The following INTS1 variants were observed in gnomAD, a reference collection of about 807,000 sequenced individuals.
INTS1 encodes the protein integrator complex subunit 1.
In INTS1, 137 loss-of-function variants were observed where a neutral mutation model predicts 241.6. That is an observed-to-expected ratio of 0.57 (90% CI 0.49 to 0.65). The LOEUF (loss-of-function observed/expected upper bound fraction) is 0.65. INTS1 is among the 30% of genes least tolerant of loss of function. The probability of loss-of-function intolerance (pLI) is 0.00; values close to 1 mark genes in which losing one functional copy is unlikely to be tolerated. For missense variants in INTS1, 3,073 were observed against 3,032.2 expected (o/e 1.01, Z -0.32); for synonymous variants, 1,692 against 1,337.8 (o/e 1.26, Z -5.78).
Position 1,471,195 on chromosome 7 carries a change from G to A in INTS1, c.6285C>T (p.Ala2095=), listed in dbSNP as rs73267806. 2.1e-3 allele frequency: 3,276 copies of A among 1,582,464 alleles called. 28 individuals carry two copies. The African/African-American group carries it at 0.022, about 11-fold the overall frequency. ...STNLQRLMSS[A]EECCRNLAFS... ...AGGCGAGGTTGCGGCAACACTCCTC[G>A]GCCGAGCTCATCAGCCGCTGCAGGT... The change falls in exon 46 of 48, where the codon GCC becomes GCT. Residue 2095 remains alanine (A), a synonymous_variant. Transcript: ENST00000404767.
chr7:1,474,696 G>A lies in INTS1; in HGVS notation c.5636+9C>T, dbSNP rs1196129110. The stretch of plus-strand genomic sequence containing the variant: ...GTGTCTGGCGAGGGCAGGGCTTCTG[G>A]GACAGCACCTGAGCAGCAGCAGCGG... On this transcript the variant is annotated intron_variant, in intron 40 of 47. Coordinates refer to ENST00000404767, the MANE Select transcript of INTS1 (RefSeq NM_001080453.3). 7 of 1,556,778 alleles carry A rather than the reference G, an allele frequency of 4.5e-6. No individual in the cohort carries two copies. Among genetic ancestry groups the A allele is most frequent in the Non-Finnish European group, 5.2e-6 (6 of 1,152,310 alleles).
intron 3 of INTS1, chr7:1,501,109 A>C (rs1168169253): frequency 6.6e-6 from 1 of 151,880 alleles, no homozygotes; most frequent in East Asian, 1.9e-4. Flanking sequence ...ATACAGTGAA[A>C]CCCTGTCTCT....
chr7:1,483,579 G>A (rs760578036), intron 26 of INTS1, 163 bp downstream of exon 26: 33 of 674,232 alleles, frequency 4.9e-5, no homozygotes, highest in Admixed American at 2.5e-4. Flanking sequence ...CACGCGGGAC[G>A]GACTGCAGCC....
chr7:1,491,275 G>A (rs200164306), intron 16 of INTS1, among the ~76,000 whole-genome samples: 12 of 152,252 alleles, frequency 7.9e-5, no homozygotes, highest in East Asian at 1.9e-4. Flanking sequence ...TCCACAGGAC[G>A]GAAGTGAGGT....
chr7:1,498,501 T>G lies in INTS1; in HGVS notation c.1336A>C (p.Ile446Leu). The change falls in exon 10 of 48, where the codon ATC becomes CTC. Residue 446 changes from isoleucine to leucine, a missense_variant. Physicochemically the swap from Ile to Leu is conservative, Grantham distance 5. Transcript: ENST00000404767. ...DNLGTTIKLV[I>L]FNELSSARNP... ...CGGGCGCTGGAGAGCTCATTGAAGA[T>G]CACCAACTTGATGGTGGTGCCCAGG... 6.2e-7 allele frequency: 1 copy of G among 1,613,912 alleles called. No individual in the cohort carries two copies. Among genetic ancestry groups the G allele is most frequent in the East Asian group, 2.2e-5 (1 of 44,876 alleles).
chr7:1,477,574 G>T lies in INTS1; in HGVS notation c.4914C>A (p.Leu1638=), dbSNP rs771351004. Reference sequence around the variant, plus strand: ...CCTTCCTCCGGGAGAAGAGCAGCCTGAGCTGCAGGTCGGGGCAGCTGCTGA... The same window carrying T: ...CCTTCCTCCGGGAGAAGAGCAGCCTTAGCTGCAGGTCGGGGCAGCTGCTGA... The part of the protein sequence containing the change: ...EVVSSCPDLQ[L]RLLFSRRKGK... The change falls in exon 35 of 48, where the codon CTC becomes CTA. Residue 1638 remains leucine (L), a synonymous_variant. Coordinates refer to ENST00000404767, the MANE Select transcript of INTS1 (RefSeq NM_001080453.3). 5.2e-6 allele frequency: 8 copies of T among 1,544,936 alleles called. No individual in the cohort carries two copies. Among genetic ancestry groups the T allele is most frequent in the Non-Finnish European group, 7.0e-6 (8 of 1,146,920 alleles).
intron 40 of INTS1, 29 bp downstream of exon 40, chr7:1,474,676 T>C (rs1401496620): frequency 1.3e-6 from 2 of 1,545,730 alleles, no homozygotes; most frequent in Non-Finnish European, 1.7e-6. Context: ...AACCAGTGTC[T>C]GGCGAGGGCA....
chr7:1,501,360 G>C (rs931645324), intron 3 of INTS1: 1 of 152,060 alleles, frequency 6.6e-6, no homozygotes, highest in Non-Finnish European at 1.5e-5. Flanking sequence ...CAGAGGCATT[G>C]TGATCTACCT....
rs1214744608 is a variant in INTS1, at chr7:1,480,823, C to A, written c.3949+12G>T. 2 of 1,547,236 alleles carry A rather than the reference C, an allele frequency of 1.3e-6. No individual in the cohort carries two copies. Among genetic ancestry groups the A allele is most frequent in the African/African-American group, 1.4e-5 (1 of 72,998 alleles). On this transcript the variant is annotated intron_variant, in intron 29 of 47. Transcript: ENST00000404767. The stretch of plus-strand genomic sequence containing the variant: ...GCTGGGTCTCTGTGCTGGCCCCACC[C>A]CTCCCCAGTACCTCGGCGGGGCGGC...
chr7:1,471,789 C>T, intron 44 of INTS1, 148 bp from the exon 45 acceptor site: 1 of 692,148 alleles, frequency 1.4e-6, no homozygotes, highest in Non-Finnish European at 2.5e-6. Context: ...CCCAGGCAGT[C>T]ACCTGCCCCC....
intron 40 of INTS1, 55 bp from the exon 41 acceptor site, chr7:1,474,415 C>T (rs572227458): frequency 3.3e-4 from 499 of 1,502,360 alleles, no homozygotes; most frequent in South Asian, 5.8e-4. Context: ...ACCTGGCGCA[C>T]GTCCCCAGGA....
rs535318875 is a variant in INTS1, at chr7:1,499,659, C to T, written c.685-27G>A. On this transcript the variant is annotated intron_variant, in intron 5 of 47. Coordinates refer to ENST00000404767, the MANE Select transcript of INTS1 (RefSeq NM_001080453.3). ...TGTGTGGCAGCCACACCCTCAGCCCCGAGCCCAGCCGGGCAGCAGCCAGGT... is the reference window on the plus strand; with the variant it reads ...TGTGTGGCAGCCACACCCTCAGCCCTGAGCCCAGCCGGGCAGCAGCCAGGT... 7.3e-5 allele frequency: 115 copies of T among 1,572,154 alleles called. No individual in the cohort carries two copies. In the Middle Eastern group the frequency reaches 1.0e-3, roughly 14 times the overall value.
rs773465294 is a variant in INTS1 at position 1,474,257 on chromosome 7, G to C, written c.5740C>G (p.Leu1914Val). Residue 1914 changes from leucine to valine, a missense_variant, in exon 41 of 48, where the codon CTG (leucine) becomes GTG (valine). By Grantham distance (32) the Leu-to-Val change is conservative. Coordinates refer to ENST00000404767, the MANE Select transcript of INTS1 (RefSeq NM_001080453.3). ...HLSCFLHVLG[L>V]LELLQPHVFR... Reference sequence around the variant, plus strand: ...ACGTGCGGCTGCAGCAGCTCCAGCAGGCCCAGCACGTGCAGGAAGCAGCTC... The same window carrying C: ...ACGTGCGGCTGCAGCAGCTCCAGCACGCCCAGCACGTGCAGGAAGCAGCTC... 1.9e-6 allele frequency: 3 copies of C among 1,607,322 alleles called. No individual in the cohort carries two copies. Among genetic ancestry groups the C allele is most frequent in the Non-Finnish European group, 2.5e-6 (3 of 1,178,730 alleles).
intron 12 of INTS1, among the ~76,000 whole-genome samples, 193 bp from the exon 13 acceptor site, chr7:1,495,746 G>A (rs1440961929): frequency 6.6e-6 from 1 of 152,118 alleles, no homozygotes; most frequent in African/African-American, 2.4e-5. Flanking sequence ...TGGGTGACTG[G>A]AATCCTCCTG....
rs1016817307 is a variant in INTS1, at chr7:1,493,617, C to G, written c.2068+137G>C. On this transcript the variant is annotated intron_variant, in intron 15 of 47. Transcript: ENST00000404767. The surrounding 1 kb of genome is among the most constrained non-coding windows in gnomAD (Gnocchi z 5.3). ...GGCAGATGTGGAGAAGGCAGGTCCC[C>G]GAGCCTCCCGGGGACCCAGGACCCA... 2.6e-6 allele frequency: 3 copies of G among 1,160,212 alleles called. No homozygotes were observed. The highest frequency in any genetic ancestry group is 3.5e-6 in the Non-Finnish European group (3 of 855,690). 71.9% of individuals were successfully genotyped at this position (1,160,212 alleles called of 1,614,324 possible).
Position 1,481,724 on chromosome 7 carries a change from C to T in INTS1, c.3704-236G>A, listed in dbSNP as rs1782008324. 7.1e-6 allele frequency among the ~76,000 whole-genome samples: 1 copy of T among 141,784 alleles called. No homozygotes were observed. The highest frequency in any genetic ancestry group is 1.5e-5 in the Non-Finnish European group (1 of 64,892). 93.0% of individuals were successfully genotyped at this position (141,784 alleles called of 152,430 possible). A position where few individuals can be genotyped will look rare whatever the true frequency, so the allele number is the denominator to read the frequency against. On this transcript the variant is annotated intron_variant, in intron 27 of 47. Coordinates refer to ENST00000404767, the MANE Select transcript of INTS1 (RefSeq NM_001080453.3). The surrounding 1 kb of genome is among the most constrained non-coding windows in gnomAD (Gnocchi z 6.8). ...CCCAAGACCTGGGGCAGTGCACACT[C>T]GGCAGCCCCACCCGAGACCTGGGGC...
rs199641509 is a variant in INTS1 at position 1,477,761 on chromosome 7, G to A, written c.4806C>T (p.Asp1602=). 1,752 of 1,612,162 alleles carry A rather than the reference G, an allele frequency of 1.1e-3. 13 individuals carry two copies. The highest frequency in any genetic ancestry group is 3.0e-4 in the Non-Finnish European group (352 of 1,179,700). ...GCAGCACCCCAGCTCACCTGCCACC[G>A]TCCGCACCCGGCTTCCCCCCAGCCA... ...EPLAGGKPGA[D]GGSLEAVRLG... is the part of the protein sequence containing the mutation. The change falls in exon 34 of 48, where the codon GAC becomes GAT. Residue 1602 remains aspartate (D), a synonymous_variant. Coordinates refer to ENST00000404767, the MANE Select transcript of INTS1 (RefSeq NM_001080453.3).
rs894563118 is a variant in INTS1 at position 1,477,691 on chromosome 7, C to T, written c.4815-18G>A. 1 of 1,600,384 alleles carries T rather than the reference C, an allele frequency of 6.2e-7. No individual in the cohort carries two copies. ...CCTCCAGGCTGCAGGGAGAAGGTGG[C>T]TCAGGGAAGGGCTGGTGCCACCCGC... On this transcript the variant is annotated intron_variant, in intron 34 of 47. Coordinates refer to ENST00000404767, the MANE Select transcript of INTS1 (RefSeq NM_001080453.3).
At chr7:1,480,214 G>T (rs1476575895) in intron 30 of INTS1, 103 bp downstream of exon 30, 6 of 1,352,974 alleles carry the variant, frequency 4.4e-6, no homozygotes, top group Admixed American at 5.0e-5. Flanking sequence ...CCTGGGTCAG[G>T]CGGTCACGCA....
Sources: allele counts gnomAD v4.1 joint callset (sites outside exome capture counted in the v4.1 genomes callset), GRCh38; gene constraint gnomAD v4.1.1; non-coding constraint Gnocchi (gnomAD v3.1); transcripts MANE v1.5; gene names NCBI Gene and HGNC (gene_info 2026-07-23, HGNC 2026-07-21).